SMG5: variants seen among roughly 807,000 people sequenced by gnomAD.
SMG5 encodes nonsense-mediated mRNA decay factor SMG5.
Under a neutral mutation model 122.9 loss-of-function variants are expected in SMG5, and 53 were observed. That is an observed-to-expected ratio of 0.43 (90% CI 0.35 to 0.54). The LOEUF is 0.54. SMG5 is among the 20% of genes least tolerant of loss of function. The pLI, the probability that SMG5 is intolerant of heterozygous loss-of-function variation, is 0.01. For synonymous variants in SMG5, 477 were observed against 490.2 expected, an observed-to-expected ratio of 0.97 and a Z score of 0.35; for missense variants, 1,153 against 1,285.6, an observed-to-expected ratio of 0.90 and a Z score of 1.58.
chr1:156,250,815 C>T (rs759311648), intron 21 of SMG5, 43 bp downstream of exon 21: 11 of 1,610,236 alleles, frequency 6.8e-6, no homozygotes, highest in Middle Eastern at 1.7e-4. Flanking sequence ...TCTGGTACCT[C>T]GTCCCTATTC....
the SMG5 span, among the ~76,000 whole-genome samples, chr1:156,288,699 T>C: frequency 3.9e-5 from 6 of 152,206 alleles, no homozygotes; most frequent in Non-Finnish European, 8.8e-5. Context: ...ATTCTTCCTA[T>C]TGAGCTAAAA....
chr1:156,249,705 G>A lies in SMG5; in HGVS notation c.*882C>T, dbSNP rs1235085513. 4.3e-6 allele frequency: 2 copies of A among 468,122 alleles called. No individual in the cohort carries two copies. The highest frequency in any genetic ancestry group is 2.4e-5 in the Admixed American group (1 of 42,524). The allele number at this position is 468,122 out of a possible 1,614,324, so 29.0% of individuals were successfully genotyped here. A position where few individuals can be genotyped will look rare whatever the true frequency, so the allele number is the denominator to read the frequency against. On this transcript the variant is annotated 3_prime_UTR_variant, in exon 22 of 22. Coordinates refer to ENST00000361813, the MANE Select transcript of SMG5 (RefSeq NM_015327.3). ...ACTGAATGCCGGCCCCTTGTCTTCA[G>A]CCCTCCCTTAGATAGGAAGGGGGGT...
At chr1:156,275,131 TAAAAAAA>T (rs760480249) in intron 4 of SMG5, among the ~76,000 whole-genome samples, 1 of 86,888 alleles carries the variant, frequency 1.2e-5, no homozygotes, top group African/African-American at 4.9e-5. Context: ...TGACGCCAAT[TAAAAAAA>T]AAAAAAAAAA....
Position 156,263,519 on chromosome 1 carries a change from C to T in SMG5, c.1907G>A (p.Cys636Tyr), listed in dbSNP as rs1661961301. ...SEGSESSGRS[C>Y]RNERSIQEKL... The stretch of plus-strand genomic sequence containing the variant: ...CTCCTGGATGCTGCGCTCATTCCGA[C>T]AGGAGCGTCCACTGGACTCACTCCC... The change falls in exon 13 of 22, where the codon TGT becomes TAT. Residue 636 changes from cysteine (C) to tyrosine (Y), a missense_variant. Around this residue, in one of 5 missense-constraint regions of SMG5, gnomAD observed 631 missense variants for 650.6 expected, o/e 0.97. Coordinates refer to ENST00000361813, the MANE Select transcript of SMG5 (RefSeq NM_015327.3). 1.2e-6 allele frequency: 2 copies of T among 1,614,142 alleles called. No individual in the cohort carries two copies. Among genetic ancestry groups the T allele is most frequent in the African/African-American group, 1.3e-5 (1 of 74,944 alleles).
At position 156,274,699 on chromosome 1, in the gene SMG5, GAGAA is replaced by G. The variant is rs1486407442; in HGVS notation, c.455-17_455-14del. The G allele has an allele frequency of 1.2e-6, 2 of 1,610,772 alleles. No homozygotes were observed. The highest frequency in any genetic ancestry group is 1.1e-5 in the South Asian group (1 of 90,992). On this transcript the variant is annotated splice_polypyrimidine_tract_variant and intron_variant, in intron 4 of 21. Coordinates refer to ENST00000361813, the MANE Select transcript of SMG5 (RefSeq NM_015327.3). ...GGCTTCTTGCATCCTATGAGACAAA[GAGAA>G]AGAGATTTGTAGGCCCATTCTTCTG... is the stretch of plus-strand genomic sequence containing the variant.
intron 7 of SMG5, among the ~76,000 whole-genome samples, chr1:156,271,566 G>GTTTTTTTTTTTTTT (rs755111375): frequency 2.4e-5 from 2 of 82,286 alleles, no homozygotes; most frequent in East Asian, 4.1e-4. Context: ...CCCTGAAGAG[G>GTTTTTTTTTTTTTT]TTTTTTTTTT....
chr1:156,267,230 T>G (rs1338458178), intron 10 of SMG5, among the ~76,000 whole-genome samples: 1 of 152,186 alleles, frequency 6.6e-6, no homozygotes, highest in Non-Finnish European at 1.5e-5. Context: ...GCCAAGGGTG[T>G]GCATATTTAT....
At chr1:156,283,572 G>A (rs1299481233), upstream of SMG5, among the ~76,000 whole-genome samples, 1 of 152,222 alleles carries the variant, frequency 6.6e-6, no homozygotes, top group Admixed American at 6.5e-5. Flanking sequence ...ACAGCTAGGA[G>A]CGTGACTGCT....
chr1:156,286,392 A>G (rs748534614), upstream of SMG5: 15 of 1,613,926 alleles, frequency 9.3e-6, no homozygotes, highest in Non-Finnish European at 1.3e-5. Flanking sequence ...TACTTCTTCA[A>G]CCTGGCCGTG....
At chr1:156,286,258 AG>A, upstream of SMG5, 1 of 1,613,754 alleles carries the variant, frequency 6.2e-7, no homozygotes, top group East Asian at 2.2e-5. Flanking sequence ...AACTCCACCC[AG>A]GGATCCTGGT....
intron 13 of SMG5, among the ~76,000 whole-genome samples, chr1:156,261,965 G>A (rs1661861858): frequency 1.3e-5 from 2 of 151,972 alleles, no homozygotes; most frequent in Admixed American, 1.3e-4. Flanking sequence ...GGGAGGCTCA[G>A]TTGGGAGGAT....
intron 16 of SMG5, 64 bp from the exon 17 acceptor site, chr1:156,253,572 A>AACCCTCTTGGTCTTCCT: frequency 6.6e-7 from 1 of 1,511,854 alleles, no homozygotes; most frequent in Non-Finnish European, 9.2e-7. Context: ...GTGATCAGGA[A>AACCCTCTTGGTCTTCCT]GACCAAGAGG....
intron 7 of SMG5, 133 bp downstream of exon 7, chr1:156,272,187 G>T: frequency 1.3e-6 from 1 of 794,408 alleles, no homozygotes; most frequent in Non-Finnish European, 2.1e-6. Flanking sequence ...CCCCCTGAAT[G>T]GAGAGACCCT....
intron 20 of SMG5, 97 bp downstream of exon 20, chr1:156,251,306 C>T (rs919151818): frequency 2.6e-5 from 37 of 1,425,676 alleles, no homozygotes; most frequent in Non-Finnish European, 3.5e-5. Flanking sequence ...CGTGTGGAGC[C>T]TCAGAATTAT....
At chr1:156,288,531 T>G in the SMG5 span, among the ~76,000 whole-genome samples, 10 of 151,856 alleles carry the variant, frequency 6.6e-5, 1 homozygote, top group South Asian at 1.7e-3. Context: ...AGAGACAGGG[T>G]TTCAACATGT....
upstream of SMG5, chr1:156,286,133 C>G: frequency 7.3e-7 from 1 of 1,372,060 alleles, no homozygotes; most frequent in South Asian, 1.3e-5. Context: ...CATCTCCTCC[C>G]AGGACCACCT....
chr1:156,281,182 A>T (rs567506157), intron 1 of SMG5, among the ~76,000 whole-genome samples: 1 of 152,356 alleles, frequency 6.6e-6, no homozygotes, highest in East Asian at 1.9e-4. Flanking sequence ...CCCTGCTCAA[A>T]GCCAACAACA....
chr1:156,253,649 G>T, intron 16 of SMG5, 141 bp from the exon 17 acceptor site: 1 of 735,884 alleles, frequency 1.4e-6, no homozygotes, highest in Non-Finnish European at 2.4e-6. Context: ...AATGAGGGGA[G>T]GAGAGGCATG....
intron 13 of SMG5, among the ~76,000 whole-genome samples, chr1:156,261,994 C>T (rs747457773): frequency 2.6e-5 from 4 of 151,134 alleles, no homozygotes; most frequent in Non-Finnish European, 4.4e-5. Flanking sequence ...CCCAGGAGGT[C>T]GAGGCTGCAG....
Sources: gnomAD v4.1 joint callset for allele counts (sites outside exome capture counted in the v4.1 genomes callset) on GRCh38, gnomAD v4.1.1 for gene constraint, gnomAD v4.1.1 regional missense constraint, MANE v1.5 for transcripts, NCBI Gene and HGNC (gene_info 2026-07-23, HGNC 2026-07-21) for gene names.